PIAS2: variants seen among roughly 807,000 people sequenced by gnomAD.
PIAS2 encodes the protein protein inhibitor of activated STAT 2.
A neutral mutation model predicts 69.7 loss-of-function variants in PIAS2; 19 were observed. The ratio of observed to expected loss-of-function variants is 0.27; its 90% CI spans 0.19 to 0.40. PIAS2 has a LOEUF of 0.40. PIAS2 is among the 10% of genes least tolerant of loss of function. The pLI is 1.00. For synonymous variants in PIAS2, 261 were observed against 263.2 expected (o/e 0.99, Z 0.08); for missense variants, 624 against 757.0 (o/e 0.82, Z 2.06).
intron 5 of PIAS2, among the ~76,000 whole-genome samples, chr18:46,851,492 T>C (rs1467725608): frequency 6.6e-6 from 1 of 152,234 alleles, no homozygotes; most frequent in Non-Finnish European, 1.5e-5. Context: ...TGTTCTCATC[T>C]GGCTGTCAGT....
intron 1 of PIAS2, chr18:46,891,393 C>T: frequency 3.3e-6 from 1 of 300,816 alleles, no homozygotes; most frequent in Non-Finnish European, 6.3e-6. Context: ...TGAATATACT[C>T]CTTTTCAAAA....
At chr18:46,887,428 G>C (rs1395747589) in intron 2 of PIAS2, among the ~76,000 whole-genome samples, 1 of 152,096 alleles carries the variant, frequency 6.6e-6, no homozygotes, top group Non-Finnish European at 1.5e-5. Flanking sequence ...TCACATGACT[G>C]AAAATAAAAA....
At chr18:46,920,128 A>C, upstream of PIAS2, 1 of 1,284,552 alleles carries the variant, frequency 7.8e-7, no homozygotes, top group Non-Finnish European at 1.0e-6. Context: ...CAGCTCCTGG[A>C]TGGGTTGGGT....
In PIAS2 at chr18:46,804,894, C is replaced by G. The variant is rs1172857967; in HGVS notation, c.*7539G>C. 6.6e-6 allele frequency: 1 copy of G among 152,172 alleles called. No homozygotes were observed. Among genetic ancestry groups the G allele is most frequent in the Non-Finnish European group, 1.5e-5 (1 of 68,050 alleles). 9.4% of individuals were successfully genotyped at this position (152,172 alleles called of 1,614,324 possible). A position where few individuals can be genotyped will look rare whatever the true frequency, so the allele number is the denominator to read the frequency against. ...GAGACCATTTGTAAGCCAAGAAAAGCAGCAGTAGAGAGGTGAGAGACATGG... is the reference window on the plus strand; with the variant it reads ...GAGACCATTTGTAAGCCAAGAAAAGGAGCAGTAGAGAGGTGAGAGACATGG... On this transcript the variant is annotated 3_prime_UTR_variant, in exon 14 of 14. Coordinates refer to ENST00000585916, the MANE Select transcript of PIAS2 (RefSeq NM_004671.5).
chr18:46,841,579 A>C (rs1044751377), intron 8 of PIAS2, among the ~76,000 whole-genome samples: 3 of 152,198 alleles, frequency 2.0e-5, no homozygotes, highest in Admixed American at 6.5e-5. Flanking sequence ...TGGTATTCTA[A>C]TTAATATATA....
intron 8 of PIAS2, among the ~76,000 whole-genome samples, chr18:46,840,982 T>C (rs1018863672): frequency 2.6e-5 from 4 of 152,082 alleles, no homozygotes; most frequent in African/African-American, 9.7e-5. Context: ...TTTTTTTTTT[T>C]TTTTAAACAT....
At chr18:46,833,375 T>C (rs1234841039) in intron 9 of PIAS2, among the ~76,000 whole-genome samples, 1 of 152,196 alleles carries the variant, frequency 6.6e-6, no homozygotes, top group African/African-American at 2.4e-5. Context: ...CAGTGTTTGC[T>C]TGAGGACTGA....
At chr18:46,871,887 C>A (rs541621989) in intron 2 of PIAS2, among the ~76,000 whole-genome samples, 1 of 152,150 alleles carries the variant, frequency 6.6e-6, no homozygotes, top group African/African-American at 2.4e-5. Flanking sequence ...TCAGTCCAAA[C>A]GGATTTCTCA....
rs1255746458 is a variant in PIAS2, at chr18:46,806,444, G to A, written c.*5989C>T. On this transcript the variant is annotated 3_prime_UTR_variant, in exon 14 of 14. Transcript: ENST00000585916. The stretch of plus-strand genomic sequence containing the variant: ...ATGATCCTGAGTCACTGCAACCTCC[G>A]CCTCTCAGGTTCAAGCAATTCTCAT... The A allele has an allele frequency of 1.6e-5, 2 of 126,374 alleles. No individual in the cohort carries two copies. Among genetic ancestry groups the A allele is most frequent in the African/African-American group, 2.9e-5 (1 of 34,110 alleles). 7.8% of individuals were successfully genotyped at this position (126,374 alleles called of 1,614,324 possible).
At chr18:46,885,683 CA>C (rs908058011) in intron 2 of PIAS2, among the ~76,000 whole-genome samples, 52 of 125,864 alleles carry the variant, frequency 4.1e-4, no homozygotes, top group African/African-American at 5.2e-4. Flanking sequence ...GACTCCGTCT[CA>C]AAAAAAAAAA....
chr18:46,825,116 G>A (rs2042680368), intron 11 of PIAS2, among the ~76,000 whole-genome samples: 1 of 151,826 alleles, frequency 6.6e-6, no homozygotes, highest in African/African-American at 2.4e-5. Flanking sequence ...ATCTTTGATG[G>A]CCAAGAAATC....
intron 13 of PIAS2, 21 bp from the exon 14 acceptor site, chr18:46,812,633 T>C (rs976428258): frequency 6.6e-7 from 1 of 1,515,928 alleles, no homozygotes; most frequent in Non-Finnish European, 9.1e-7. Context: ...CAAACAATGA[T>C]GCCAATGAGG....
intron 1 of PIAS2, chr18:46,916,956 C>T: frequency 1.0e-6 from 1 of 985,668 alleles, no homozygotes; most frequent in Non-Finnish European, 1.2e-6. Context: ...CACGTACACC[C>T]CGGTGAAGGT....
intron 2 of PIAS2, among the ~76,000 whole-genome samples, chr18:46,875,044 G>T (rs969952741): frequency 6.6e-6 from 1 of 152,088 alleles, no homozygotes; most frequent in Non-Finnish European, 1.5e-5. Flanking sequence ...TCTAAAAAGG[G>T]CTTAATATTA....
intron 1 of PIAS2, chr18:46,903,609 G>C (rs1261548904): frequency 6.6e-6 from 1 of 152,172 alleles, no homozygotes; most frequent in Non-Finnish European, 1.5e-5. Flanking sequence ...TACATTGCTG[G>C]TAGGGATGTA....
In PIAS2 at chr18:46,821,122, A is replaced by C. The variant is rs1182462738; in HGVS notation, c.1509-50T>G. On this transcript the variant is annotated intron_variant, in intron 11 of 13. Coordinates refer to ENST00000585916, the MANE Select transcript of PIAS2 (RefSeq NM_004671.5). ...ACAAACAATCTGGCTGTTAGTTCACAGGAGAGAAGAGCTGCACCACTGGGC... is the reference window on the plus strand; with the variant it reads ...ACAAACAATCTGGCTGTTAGTTCACCGGAGAGAAGAGCTGCACCACTGGGC... 1.9e-6 allele frequency: 3 copies of C among 1,595,566 alleles called. No homozygotes were observed. The East Asian group carries it at 6.7e-5, about 36-fold the overall frequency.
At chr18:46,817,656 A>T in intron 12 of PIAS2, 1 of 967,762 alleles carries the variant, frequency 1.0e-6, no homozygotes, top group Non-Finnish European at 1.2e-6. Flanking sequence ...TTTTTCTAAA[A>T]TATTGGTTGG....
intron 11 of PIAS2, among the ~76,000 whole-genome samples, chr18:46,825,388 G>C (rs1057147471): frequency 2.0e-5 from 3 of 152,176 alleles, no homozygotes; most frequent in African/African-American, 7.2e-5. Context: ...GTTTATCCAT[G>C]TATCTTTAGT....
intron 6 of PIAS2, among the ~76,000 whole-genome samples, chr18:46,845,922 A>C (rs2046105945): frequency 1.3e-5 from 2 of 152,178 alleles, no homozygotes; most frequent in Admixed American, 1.3e-4. Context: ...GTGGTAAAAC[A>C]AAAAATTCCT....
Sources: allele counts gnomAD v4.1 joint callset (sites outside exome capture counted in the v4.1 genomes callset), GRCh38; gene constraint gnomAD v4.1.1; transcripts MANE v1.5; gene names NCBI Gene and HGNC (gene_info 2026-07-23, HGNC 2026-07-21).